The following PXDN variants were observed in gnomAD, a reference collection of about 807,000 sequenced individuals.
PXDN encodes peroxidasin.
PXDN carries 77 observed loss-of-function variants against 140.3 expected under a neutral mutation model. That is an observed-to-expected ratio of 0.55 (90% CI 0.46 to 0.66). The LOEUF (loss-of-function observed/expected upper bound fraction) is 0.66, where lower values mean the gene tolerates loss of function less well. PXDN is among the 30% of genes least tolerant of loss of function. The pLI is 0.00. For missense variants in PXDN, 1,838 were observed against 2,039.5 expected, an observed-to-expected ratio of 0.90 and a Z score of 1.90; for synonymous variants, 911 against 857.4, an observed-to-expected ratio of 1.06 and a Z score of -1.09.
intron 5 of PXDN, 89 bp from the exon 6 acceptor site, chr2:1,683,816 G>T: frequency 9.4e-7 from 1 of 1,062,392 alleles, no homozygotes; most frequent in Non-Finnish European, 1.4e-6. Context: ...ATATATATCA[G>T]CTTTAAAAAA....
At chr2:1,656,452 T>A (rs1044767260) in intron 14 of PXDN, among the ~76,000 whole-genome samples, 4 of 152,208 alleles carry the variant, frequency 2.6e-5, no homozygotes, top group African/African-American at 9.6e-5. Context: ...ACAAAAAAGC[T>A]TCTTTCACTT....
chr2:1,652,467 A>G (rs1416707714), intron 16 of PXDN, among the ~76,000 whole-genome samples: 1 of 136,592 alleles, frequency 7.3e-6, no homozygotes, highest in African/African-American at 2.5e-5. Flanking sequence ...ATACTTGTTG[A>G]AATAACAAAA....
rs977674539 is a variant in PXDN at position 1,744,492 on chromosome 2, C to T, written c.-37G>A. ...CGGACGGACGCTCGGACGCACGGAG[C>T]CACCACGGCCGGCTCCCGACTGCGC... On this transcript the variant is annotated 5_prime_UTR_variant, in exon 1 of 23. Coordinates refer to ENST00000252804, the MANE Select transcript of PXDN (RefSeq NM_012293.3). 6.6e-6 allele frequency: 9 copies of T among 1,372,768 alleles called. No homozygotes were observed. In the Admixed American group the frequency reaches 1.9e-4, roughly 28 times the overall value. 85.0% of individuals were successfully genotyped at this position (1,372,768 alleles called of 1,614,324 possible). A position where few individuals can be genotyped will look rare whatever the true frequency, so the allele number is the denominator to read the frequency against.
intron 1 of PXDN, among the ~76,000 whole-genome samples, chr2:1,720,251 T>G (rs1326735340): frequency 1.4e-4 from 5 of 34,954 alleles, no homozygotes; most frequent in African/African-American, 3.0e-4. Flanking sequence ...GAGGGAGGGA[T>G]GCAGAGAGAG....
intron 1 of PXDN, among the ~76,000 whole-genome samples, chr2:1,726,984 C>T (rs1334354345): frequency 6.6e-6 from 1 of 152,102 alleles, no homozygotes; most frequent in Non-Finnish European, 1.5e-5. Flanking sequence ...TGTCCTGGAC[C>T]CCCGGAAGGC....
Position 1,673,677 on chromosome 2 carries a change from C to A in PXDN, c.984G>T (p.Thr328=), listed in dbSNP as rs376438417. Residue 328 remains threonine (T), a synonymous_variant, in exon 9 of 23, where the codon ACG becomes ACT. Transcript: ENST00000252804. The part of the protein sequence containing the change: ...MAKNVAGEVK[T]QEVTLRYFGS... ...CGAAGTACCTGAGGGTCACCTCTTG[C>A]GTCTTCACCTCTCCGGCCACGTTCT... 4 of 1,613,800 alleles carry A rather than the reference C, an allele frequency of 2.5e-6. No homozygotes were observed. The highest frequency in any genetic ancestry group is 2.5e-6 in the Non-Finnish European group (3 of 1,179,724).
At chr2:1,692,483 A>G in intron 2 of PXDN, 1 of 471,574 alleles carries the variant, frequency 2.1e-6, no homozygotes, top group South Asian at 1.5e-5. Context: ...TCAACAGTGG[A>G]TAGGCGGCCC....
chr2:1,740,006 G>A (rs550163048), intron 1 of PXDN, among the ~76,000 whole-genome samples: 3 of 152,274 alleles, frequency 2.0e-5, no homozygotes, highest in South Asian at 4.1e-4. Flanking sequence ...TGCACATCCC[G>A]CATAGGGCGG....
chr2:1,717,954 C>A (rs1246304346), intron 1 of PXDN, among the ~76,000 whole-genome samples: 1 of 151,496 alleles, frequency 6.6e-6, no homozygotes, highest in Admixed American at 6.6e-5. Context: ...ACCTGCTCTA[C>A]CCACTAACCG....
At chr2:1,650,449 A>C (rs1320942277) in intron 16 of PXDN, among the ~76,000 whole-genome samples, 2 of 152,168 alleles carry the variant, frequency 1.3e-5, no homozygotes, top group African/African-American at 2.4e-5. Context: ...AAGAAATTCC[A>C]AACATGGTAG....
At chr2:1,634,452 C>A (rs1558480733) in intron 22 of PXDN, 129 bp from the exon 23 acceptor site, 2 of 1,212,562 alleles carry the variant, frequency 1.6e-6, no homozygotes, top group Non-Finnish European at 2.2e-6. Flanking sequence ...CCCTGCCTTG[C>A]CCGCTGTACT....
chr2:1,734,744 G>C (rs1685392957), intron 1 of PXDN, among the ~76,000 whole-genome samples: 1 of 152,184 alleles, frequency 6.6e-6, no homozygotes, highest in South Asian at 2.1e-4. Flanking sequence ...GCGCATGGCT[G>C]TAATCTCAGC....
In PXDN at chr2:1,654,462, G is replaced by A. The variant is rs1209867798; in HGVS notation, c.1884C>T (p.Ile628=). ...RNGDPFVATS[I]VEAIATVDRA... ...TGTCAACAGTCGCAATCGCTTCCAC[G>A]ATGGAGGTAGCTACAAACGGATCTC... Residue 628 remains isoleucine, a synonymous_variant, in exon 15 of 23, where the codon ATC becomes ATT. Transcript: ENST00000252804. 9.9e-6 allele frequency: 16 copies of A among 1,613,624 alleles called. No individual in the cohort carries two copies. The highest frequency in any genetic ancestry group is 4.5e-5 in the East Asian group (2 of 44,886).
At position 1,733,748 on chromosome 2, in the gene PXDN, C is replaced by CAAAAAAAAAAAAA. The variant is rs72208257; in HGVS notation, c.200+10495_200+10507dup. On this transcript the variant is annotated intron_variant, in intron 1 of 22. Coordinates refer to ENST00000252804, the MANE Select transcript of PXDN (RefSeq NM_012293.3). ...CAGAGCAAGATTCTGTGTCAAATGA[C>CAAAAAAAAAAAAA]AAAAAAAAAAAAAAAAAAAGCAGTG... Among the ~76,000 whole-genome samples the CAAAAAAAAAAAAA allele has an allele frequency of 5.0e-4, 40 of 79,238 alleles. 1 individual carries two copies. The highest frequency in any genetic ancestry group is 1.3e-3 in the South Asian group (2 of 1,528). 52.0% of individuals were successfully genotyped at this position (79,238 alleles called of 152,430 possible). A position where few individuals can be genotyped will look rare whatever the true frequency, so the allele number is the denominator to read the frequency against.
chr2:1,706,647 T>C lies in PXDN; in HGVS notation c.201-13513A>G, dbSNP rs12617323. Among the ~76,000 whole-genome samples, 843 of 43,718 alleles carry C rather than the reference T, an allele frequency of 0.019. 167 individuals carry two copies. The East Asian group carries it at 0.33, about 17-fold the overall frequency. The allele number at this position is 43,718 out of a possible 152,430, so 28.7% of individuals were successfully genotyped here. A position where few individuals can be genotyped will look rare whatever the true frequency, so the allele number is the denominator to read the frequency against. ...CCACTAATAATACAATCTGAGAGCA[T>C]GCTTCAGTGTTCACCAATCAGCTCT... On this transcript the variant is annotated intron_variant, in intron 1 of 22. Transcript: ENST00000252804.
At chr2:1,679,222 T>C (rs1489169665) in intron 7 of PXDN, among the ~76,000 whole-genome samples, 2 of 150,938 alleles carry the variant, frequency 1.3e-5, no homozygotes, top group Non-Finnish European at 3.0e-5. Context: ...CATGTGTGTG[T>C]CTATAAATGG....
At chr2:1,720,567 C>T (rs1425012258) in intron 1 of PXDN, among the ~76,000 whole-genome samples, 1 of 151,954 alleles carries the variant, frequency 6.6e-6, no homozygotes, top group Non-Finnish European at 1.5e-5. Context: ...CTGCTCCAGA[C>T]CAGAGCCTGG....
At chr2:1,740,148 G>A (rs565702555) in intron 1 of PXDN, among the ~76,000 whole-genome samples, 7 of 152,248 alleles carry the variant, frequency 4.6e-5, no homozygotes, top group Non-Finnish European at 1.0e-4. Flanking sequence ...CCCGGGAGCA[G>A]GAGGGTGCAG....
At chr2:1,704,620 AG>A (rs1292258513) in intron 1 of PXDN, among the ~76,000 whole-genome samples, 4 of 57,410 alleles carry the variant, frequency 7.0e-5, no homozygotes, top group African/African-American at 8.0e-5. Context: ...CTCCAGGTAA[AG>A]GGGGGGACAA....
Sources: gnomAD v4.1 joint callset for allele counts (sites outside exome capture counted in the v4.1 genomes callset) on GRCh38, gnomAD v4.1.1 for gene constraint, MANE v1.5 for transcripts, NCBI Gene and HGNC (gene_info 2026-07-23, HGNC 2026-07-21) for gene names.